SNTG1: variants seen among roughly 807,000 people sequenced by gnomAD.
SNTG1 encodes the protein syntrophin gamma 1.
In SNTG1, 39 loss-of-function variants were observed where a neutral mutation model predicts 74.7. The ratio of observed to expected loss-of-function variants is 0.52; its 90% CI spans 0.40 to 0.68. The LOEUF is 0.68. Among genes scored for constraint, SNTG1 ranks in the 30% least tolerant of loss-of-function variants. SNTG1 has a pLI of 0.00. For synonymous variants in SNTG1, 254 were observed against 217.1 expected (o/e 1.17, Z -1.49); for missense variants, 685 against 609.5 (o/e 1.12, Z -1.30).
intron 17 of SNTG1, among the ~76,000 whole-genome samples, chr8:50,723,070 T>C (rs1252051858): frequency 6.6e-6 from 1 of 152,142 alleles, no homozygotes; most frequent in African/African-American, 2.4e-5. Flanking sequence ...TTTATGAAAA[T>C]ATCCTCAGAC....
At chr8:50,612,476 C>T (rs2094857588) in intron 13 of SNTG1, among the ~76,000 whole-genome samples, 1 of 152,122 alleles carries the variant, frequency 6.6e-6, no homozygotes, top group Non-Finnish European at 1.5e-5. Context: ...TTCAGCTATT[C>T]TCCTTTGTCA....
At chr8:49,910,214 G>C (rs1182772885), upstream of SNTG1, among the ~76,000 whole-genome samples, 1 of 152,154 alleles carries the variant, frequency 6.6e-6, no homozygotes, top group Non-Finnish European at 1.5e-5. Flanking sequence ...AGAAGTCGCC[G>C]GGGAAGGGAG....
chr8:50,323,005 A>G (rs928706383), intron 2 of SNTG1, among the ~76,000 whole-genome samples: 8 of 151,074 alleles, frequency 5.3e-5, no homozygotes, highest in Non-Finnish European at 1.2e-4. Context: ...ACTTCCAGCC[A>G]CTCGGGGGGC....
intron 10 of SNTG1, among the ~76,000 whole-genome samples, chr8:50,532,504 C>T (rs916726377): frequency 2.6e-5 from 4 of 152,132 alleles, no homozygotes; most frequent in African/African-American, 9.7e-5. Context: ...AGACTTTGAC[C>T]ATCTGACTAA....
At chr8:50,520,469 C>T (rs1585557290) in intron 9 of SNTG1, among the ~76,000 whole-genome samples, 1 of 152,104 alleles carries the variant, frequency 6.6e-6, no homozygotes, top group East Asian at 1.9e-4. Context: ...AGAGCTTCTG[C>T]ACAGCAAAAG....
Position 50,437,046 on chromosome 8 carries a change from G to T in SNTG1, c.163-1497G>T, listed in dbSNP as rs990890688. Among the ~76,000 whole-genome samples, 4 of 152,034 alleles carry T rather than the reference G, an allele frequency of 2.6e-5. 1 individual carries two copies. The highest frequency in any genetic ancestry group is 4.1e-4 in the South Asian group (2 of 4,828). Reference sequence around the variant, plus strand: ...TATTTCAAGTTGCTTTGCATAAATTGTTATACACATAGAAACTTATTTGTA... The same window carrying T: ...TATTTCAAGTTGCTTTGCATAAATTTTTATACACATAGAAACTTATTTGTA... On this transcript the variant is annotated intron_variant, in intron 4 of 18. Coordinates refer to ENST00000642720, the MANE Select transcript of SNTG1 (RefSeq NM_018967.5).
intron 18 of SNTG1, among the ~76,000 whole-genome samples, chr8:50,785,742 G>A (rs1585795003): frequency 8.1e-6 from 1 of 123,954 alleles, no homozygotes; most frequent in Non-Finnish European, 1.9e-5. Context: ...TATCCCTAAT[G>A]GGGGTAGATG....
intron 8 of SNTG1, among the ~76,000 whole-genome samples, chr8:50,463,208 G>T (rs1330068638): frequency 2.0e-5 from 3 of 152,054 alleles, no homozygotes; most frequent in East Asian, 3.9e-4. Flanking sequence ...GTCCTCCATG[G>T]GGGTTAGAAT....
At chr8:49,981,349 C>A (rs1477606148) in intron 1 of SNTG1, among the ~76,000 whole-genome samples, 2 of 152,194 alleles carry the variant, frequency 1.3e-5, no homozygotes, top group Non-Finnish European at 2.9e-5. Context: ...CCTCAGTCTT[C>A]TAAGGCCTCA....
At chr8:50,237,305 A>C (rs1285940607) in intron 2 of SNTG1, among the ~76,000 whole-genome samples, 1 of 152,090 alleles carries the variant, frequency 6.6e-6, no homozygotes, top group East Asian at 1.9e-4. Context: ...TGGAGCTCTA[A>C]GGTTGATAAA....
At chr8:50,312,139 G>A (rs1291177517) in intron 2 of SNTG1, among the ~76,000 whole-genome samples, 1 of 152,056 alleles carries the variant, frequency 6.6e-6, no homozygotes, top group African/African-American at 2.4e-5. Context: ...GTTTCACTGT[G>A]GGTTCAGTGT....
chr8:50,540,438 TTA>T (rs1377660350), intron 11 of SNTG1, among the ~76,000 whole-genome samples: 4 of 152,186 alleles, frequency 2.6e-5, no homozygotes, highest in Non-Finnish European at 5.9e-5. Flanking sequence ...GGGAAATGTT[TTA>T]TATGTATTTA....
chr8:50,021,938 C>CAAAAA (rs776073608), intron 1 of SNTG1, among the ~76,000 whole-genome samples: 4 of 119,586 alleles, frequency 3.3e-5, no homozygotes, highest in Non-Finnish European at 6.9e-5. Flanking sequence ...GAGACCCTCT[C>CAAAAA]AAAAAAAAAA....
rs7819040 is a variant in SNTG1 at position 50,547,128 on chromosome 8, A to C, written c.681-5922A>C. On this transcript the variant is annotated intron_variant, in intron 11 of 18. Coordinates refer to ENST00000642720, the MANE Select transcript of SNTG1 (RefSeq NM_018967.5). ...AAAAGTGCTCATAAACAGAAACAGC[A>C]CCCACGTCTGATGCGGCAGCTGCCC... is the stretch of plus-strand genomic sequence containing the variant. Among the ~76,000 whole-genome samples the C allele has an allele frequency of 7.1e-3, 1,075 of 152,114 alleles. 12 individuals are homozygous for C. The highest frequency in any genetic ancestry group is 0.025 in the African/African-American group (1,018 of 41,498).
intron 1 of SNTG1, among the ~76,000 whole-genome samples, chr8:50,164,779 A>T (rs1365057280): frequency 2.6e-5 from 4 of 152,300 alleles, no homozygotes; most frequent in Admixed American, 1.3e-4. Flanking sequence ...CTTTGGAAAA[A>T]ATATTATCTC....
At chr8:50,505,686 A>T (rs1464717558) in intron 9 of SNTG1, among the ~76,000 whole-genome samples, 1 of 152,150 alleles carries the variant, frequency 6.6e-6, no homozygotes, top group Admixed American at 6.5e-5. Context: ...TCTACTATCC[A>T]GTTTTAAATC....
At chr8:50,372,454 G>C (rs1209148899) in intron 2 of SNTG1, among the ~76,000 whole-genome samples, 2 of 151,932 alleles carry the variant, frequency 1.3e-5, no homozygotes, top group Non-Finnish European at 2.9e-5. Flanking sequence ...CTCTGTGGTA[G>C]AAGAAGTTCT....
At chr8:50,684,079 G>A (rs1347956882) in intron 15 of SNTG1, among the ~76,000 whole-genome samples, 1 of 152,182 alleles carries the variant, frequency 6.6e-6, no homozygotes, top group Non-Finnish European at 1.5e-5. Context: ...ACATTTAAGT[G>A]TGGGTTTGTT....
At chr8:49,939,279 T>G (rs1808462247) in intron 1 of SNTG1, among the ~76,000 whole-genome samples, 1 of 152,238 alleles carries the variant, frequency 6.6e-6, no homozygotes, top group African/African-American at 2.4e-5. Context: ...GTATCTGTAT[T>G]ACTACTAGTG....
Sources: allele counts gnomAD v4.1 joint callset (sites outside exome capture counted in the v4.1 genomes callset), GRCh38; gene constraint gnomAD v4.1.1; transcripts MANE v1.5; gene names NCBI Gene and HGNC (gene_info 2026-07-23, HGNC 2026-07-21).